NRP2: variants seen among roughly 807,000 people sequenced by gnomAD.
NRP2 encodes neuropilin-2.
In NRP2, 52 loss-of-function variants were observed where a neutral mutation model predicts 110.4. The ratio of observed to expected loss-of-function variants is 0.47; its 90% CI spans 0.38 to 0.59. The LOEUF (loss-of-function observed/expected upper bound fraction) is 0.59, where lower values mean the gene tolerates loss of function less well. NRP2 is among the 20% of genes least tolerant of loss of function. The pLI is 0.00. For missense variants in NRP2, 1,049 were observed against 1,203.0 expected (o/e 0.87, Z 1.89); for synonymous variants, 508 against 468.9 (o/e 1.08, Z -1.08).
At chr2:205,696,348 A>T (rs920413421) in intron 1 of NRP2, among the ~76,000 whole-genome samples, 8 of 152,210 alleles carry the variant, frequency 5.3e-5, no homozygotes, top group Non-Finnish European at 1.2e-4. Context: ...GCTGAGTCGT[A>T]ATACATAATT....
chr2:205,736,750 T>G (rs1002559100), intron 7 of NRP2, among the ~76,000 whole-genome samples: 2 of 152,224 alleles, frequency 1.3e-5, no homozygotes, highest in Non-Finnish European at 2.9e-5. Flanking sequence ...TTCAGTGAGT[T>G]GTCAGGGAAT....
chr2:205,715,487 C>T (rs1575576525), intron 2 of NRP2, among the ~76,000 whole-genome samples: 1 of 152,192 alleles, frequency 6.6e-6, no homozygotes, highest in African/African-American at 2.4e-5. Flanking sequence ...CCTTATCTAA[C>T]ATGAGGCTGA....
chr2:205,703,274 G>A (rs1296257864), intron 2 of NRP2, among the ~76,000 whole-genome samples: 1 of 152,198 alleles, frequency 6.6e-6, no homozygotes, highest in East Asian at 1.9e-4. Flanking sequence ...TGGGACATGA[G>A]TCTCTCACCA....
At chr2:205,699,978 CTCTT>C (rs761979908) in intron 2 of NRP2, among the ~76,000 whole-genome samples, 9 of 151,454 alleles carry the variant, frequency 5.9e-5, no homozygotes, top group Admixed American at 2.0e-4. Context: ...CCATTTCTCT[CTCTT>C]TCTCTCTCTC....
intron 1 of NRP2, among the ~76,000 whole-genome samples, 198 bp downstream of exon 1, chr2:205,683,561 TG>T (rs2056067109): frequency 2.7e-5 from 1 of 36,882 alleles, no homozygotes; most frequent in South Asian, 1.0e-3. Flanking sequence ...TAGGAGTGTG[TG>T]TGTGTGTGTG....
At chr2:205,713,634 T>G (rs747564632) in intron 2 of NRP2, among the ~76,000 whole-genome samples, 2 of 152,214 alleles carry the variant, frequency 1.3e-5, no homozygotes, top group Non-Finnish European at 2.9e-5. Flanking sequence ...TTTTAAAAAG[T>G]TAACAGTATA....
intron 2 of NRP2, among the ~76,000 whole-genome samples, chr2:205,708,054 A>G (rs1190817953): frequency 1.3e-5 from 2 of 152,338 alleles, no homozygotes; most frequent in Non-Finnish European, 2.9e-5. Context: ...TACACCTGCT[A>G]GTGCTGCTGC....
chr2:205,727,102 T>C (rs1309293682), intron 6 of NRP2, among the ~76,000 whole-genome samples: 1 of 152,248 alleles, frequency 6.6e-6, no homozygotes, highest in Non-Finnish European at 1.5e-5. Context: ...GACAGCACTA[T>C]GTACTACTTA....
intron 15 of NRP2, among the ~76,000 whole-genome samples, chr2:205,771,108 T>C (rs2058016136): frequency 6.6e-6 from 1 of 152,116 alleles, no homozygotes; most frequent in Admixed American, 6.5e-5. Flanking sequence ...GTGTGAAGCG[T>C]CCGAGACTTC....
chr2:205,783,142 T>C (rs1378807951), intron 15 of NRP2, among the ~76,000 whole-genome samples: 1 of 152,200 alleles, frequency 6.6e-6, no homozygotes. Context: ...GTGTGTTGCT[T>C]GCAAGAGAAG....
intron 1 of NRP2, chr2:205,685,743 C>A (rs1462833224): frequency 6.6e-6 from 1 of 152,382 alleles, no homozygotes; most frequent in Non-Finnish European, 1.5e-5. Flanking sequence ...GCAGGCTCGC[C>A]GCGACCCCTA....
intron 3 of NRP2, chr2:205,722,228 C>T (rs1252512237): frequency 7.5e-6 from 4 of 536,418 alleles, no homozygotes. Flanking sequence ...TGTACCTCCA[C>T]CCCACTCCCC....
intron 9 of NRP2, among the ~76,000 whole-genome samples, chr2:205,744,796 GA>G (rs2105877861): frequency 6.6e-6 from 1 of 152,358 alleles, no homozygotes; most frequent in Non-Finnish European, 1.5e-5. Flanking sequence ...CTCAACTCCA[GA>G]GGCTTAGAAA....
At chr2:205,790,647 TG>T (rs1363106945) in intron 15 of NRP2, among the ~76,000 whole-genome samples, 3 of 100,910 alleles carry the variant, frequency 3.0e-5, no homozygotes, top group Admixed American at 1.0e-4. Flanking sequence ...TTTTCTTCCA[TG>T]TTTTTTTTTT....
At chr2:205,774,757 G>C (rs1027836268) in intron 15 of NRP2, among the ~76,000 whole-genome samples, 4 of 152,296 alleles carry the variant, frequency 2.6e-5, no homozygotes, top group South Asian at 4.1e-4. Flanking sequence ...CTGATGTTCA[G>C]GCTGCAGGAA....
chr2:205,768,455 G>C (rs2057964063), intron 15 of NRP2: 1 of 152,208 alleles, frequency 6.6e-6, no homozygotes, highest in Non-Finnish European at 1.5e-5. Flanking sequence ...AGCTGCTGCA[G>C]ACACTGTTCT....
chr2:205,773,690 G>A (rs184305056), intron 15 of NRP2, among the ~76,000 whole-genome samples: 88 of 152,242 alleles, frequency 5.8e-4, no homozygotes, highest in African/African-American at 1.9e-3. Context: ...GTCTCTTATC[G>A]TAAGAAACAC....
At chr2:205,685,225 G>A (rs2056119229) in intron 1 of NRP2, among the ~76,000 whole-genome samples, 1 of 152,226 alleles carries the variant, frequency 6.6e-6, no homozygotes, top group Admixed American at 6.5e-5. Flanking sequence ...GAGAAGCCCA[G>A]AGGCGCGGAG....
chr2:205,743,357 G>C lies in NRP2; in HGVS notation c.1446G>C (p.Gln482His), dbSNP rs1575614404. ...GGTTCCCTCGAATCCCTCAGGCCCA[G>C]CCCGGTGAGGAGTGGCTTCAGGTAG... ...SGWFPRIPQA[Q>H]PGEEWLQVDL... is the part of the protein sequence containing the mutation. Residue 482 changes from glutamine to histidine, a missense_variant, in exon 9 of 17, where the codon CAG becomes CAC. Physicochemically the swap from Gln to His is conservative, Grantham distance 24. Coordinates refer to ENST00000357785, the MANE Select transcript of NRP2 (RefSeq NM_003872.3). 1 of 1,614,248 alleles carries C rather than the reference G, an allele frequency of 6.2e-7. No homozygotes were observed. The highest frequency in any genetic ancestry group is 8.5e-7 in the Non-Finnish European group (1 of 1,180,042).
Sources: allele counts gnomAD v4.1 joint callset (sites outside exome capture counted in the v4.1 genomes callset), GRCh38; gene constraint gnomAD v4.1.1; transcripts MANE v1.5; gene names NCBI Gene and HGNC (gene_info 2026-07-23, HGNC 2026-07-21).